RNF220: variants seen among roughly 807,000 people sequenced by gnomAD.
RNF220 encodes E3 ubiquitin-protein ligase RNF220.
Under a neutral mutation model 67.1 loss-of-function variants are expected in RNF220, and 7 were observed. That is an observed-to-expected ratio of 0.10 (90% confidence interval 0.06 to 0.20). The LOEUF is 0.20. RNF220 is among the 10% of genes least tolerant of loss of function. RNF220 has a pLI of 1.00. For missense variants in RNF220, 565 were observed against 740.3 expected (o/e 0.76, Z 2.75); for synonymous variants, 270 against 283.2 (o/e 0.95, Z 0.47).
chr1:44,452,240 A>T (rs780237952), intron 2 of RNF220, among the ~76,000 whole-genome samples: 1 of 152,154 alleles, frequency 6.6e-6, no homozygotes. Flanking sequence ...TTATTGTAGC[A>T]TTATAGAATT....
At chr1:44,615,414 A>G (rs1292898962) in intron 3 of RNF220, among the ~76,000 whole-genome samples, 1 of 152,120 alleles carries the variant, frequency 6.6e-6, no homozygotes, top group African/African-American at 2.4e-5. Flanking sequence ...GTGGGATGGA[A>G]GATATGGTTG....
intron 2 of RNF220, among the ~76,000 whole-genome samples, chr1:44,539,764 C>A (rs149131884): frequency 6.6e-6 from 1 of 152,340 alleles, no homozygotes; most frequent in East Asian, 1.9e-4. Flanking sequence ...CAACACTGTT[C>A]CAGAATTTTC....
chr1:44,405,374 CCTACTGCTG>C lies in RNF220; in HGVS notation c.-271_-263del. 1 of 578,808 alleles carries C rather than the reference CCTACTGCTG, an allele frequency of 1.7e-6. No individual in the cohort carries two copies. The highest frequency in any genetic ancestry group is 3.1e-6 in the Non-Finnish European group (1 of 319,180). The allele number at this position is 578,808 out of a possible 1,614,324, so 35.9% of individuals were successfully genotyped here. On this transcript the variant is annotated 5_prime_UTR_variant, in exon 1 of 15. Coordinates refer to ENST00000361799, the MANE Select transcript of RNF220 (RefSeq NM_018150.4). The stretch of plus-strand genomic sequence containing the variant: ...GCGAACACAAACCCGGGGCCAGCCG[CCTACTGCTG>C]CTGCTGCTGCTGCCGCTGCCGCCGC...
Position 44,650,833 on chromosome 1 carries a change from G to A in RNF220, c.*58G>A. 1 of 1,492,372 alleles carries A rather than the reference G, an allele frequency of 6.7e-7. No homozygotes were observed. 92.4% of individuals were successfully genotyped at this position (1,492,372 alleles called of 1,614,324 possible). ...AGCCCCACCTGCCCCCAGCCTCTGT[G>A]ACAGTGACCGTCTCCCTTTGTACAT... On this transcript the variant is annotated 3_prime_UTR_variant, in exon 15 of 15. Coordinates refer to ENST00000361799, the MANE Select transcript of RNF220 (RefSeq NM_018150.4). This position sits in a 1 kb window ranked among gnomAD's most constrained non-coding sequence, Gnocchi z 4.3.
intron 2 of RNF220, among the ~76,000 whole-genome samples, chr1:44,573,225 G>A (rs1198456248): frequency 6.6e-6 from 1 of 152,162 alleles, no homozygotes; most frequent in Non-Finnish European, 1.5e-5. Context: ...CCCTTCACTA[G>A]AACACTATGT....
At chr1:44,430,810 G>T (rs1572476538) in intron 2 of RNF220, among the ~76,000 whole-genome samples, 1 of 152,362 alleles carries the variant, frequency 6.6e-6, no homozygotes, top group East Asian at 1.9e-4. Context: ...CTCCCAAAGT[G>T]CTGGGATTAC....
rs947115362 is a variant in RNF220, at chr1:44,624,755, C to T, written c.805-1542C>T. Among the ~76,000 whole-genome samples the T allele has an allele frequency of 6.6e-6, 1 of 151,564 alleles. No individual in the cohort carries two copies. The highest frequency in any genetic ancestry group is 1.5e-5 in the Non-Finnish European group (1 of 67,696). On this transcript the variant is annotated intron_variant, in intron 4 of 14. Transcript: ENST00000361799. The surrounding 1 kb of genome is among the most constrained non-coding windows in gnomAD (Gnocchi z 4.2). Reference sequence around the variant, plus strand: ...TCGTTGCCATTAAGAAAAAAATTAGCCGGTGGCGGCTATCATATTAAAGGG... The same window carrying T: ...TCGTTGCCATTAAGAAAAAAATTAGTCGGTGGCGGCTATCATATTAAAGGG...
At chr1:44,444,412 G>T (rs1486374764) in intron 2 of RNF220, among the ~76,000 whole-genome samples, 1 of 151,446 alleles carries the variant, frequency 6.6e-6, no homozygotes, top group Non-Finnish European at 1.5e-5. Context: ...CATTTTTATT[G>T]CTGTGTAATG....
rs150809666 is a variant in RNF220, at chr1:44,524,858, C to T, written c.626-89307C>T. ...TATAGCTTGTCAGAGGTATTTAAGA[C>T]GCTAAGAGCCCAAGGCTTATCGGGG... is the stretch of plus-strand genomic sequence containing the variant. On this transcript the variant is annotated intron_variant, in intron 2 of 14. Transcript: ENST00000361799. Among the ~76,000 whole-genome samples the T allele has an allele frequency of 5.4e-3, 825 of 152,228 alleles. 4 individuals carry two copies. The highest frequency in any genetic ancestry group is 8.8e-3 in the Non-Finnish European group (600 of 68,030).
chr1:44,515,693 G>GA (rs924910962), intron 2 of RNF220, among the ~76,000 whole-genome samples: 5 of 152,128 alleles, frequency 3.3e-5, no homozygotes, highest in African/African-American at 1.2e-4. Flanking sequence ...TTCCATCCAT[G>GA]AAAATCACAC....
chr1:44,411,404 G>A (rs1215875082), intron 1 of RNF220, among the ~76,000 whole-genome samples: 3 of 151,460 alleles, frequency 2.0e-5, no homozygotes, highest in South Asian at 2.1e-4. Context: ...GTGTGTGTGT[G>A]TATATGCCAA....
At chr1:44,550,398 T>G (rs564174986) in intron 2 of RNF220, among the ~76,000 whole-genome samples, 22 of 152,290 alleles carry the variant, frequency 1.4e-4, no homozygotes, top group Admixed American at 1.3e-3. Flanking sequence ...GGAAGGCTGT[T>G]GAGTACCATG....
chr1:44,504,011 A>C (rs1658182825), intron 2 of RNF220, among the ~76,000 whole-genome samples: 1 of 152,028 alleles, frequency 6.6e-6, no homozygotes, highest in Non-Finnish European at 1.5e-5. Context: ...CACCATGCCC[A>C]GCTAATTGTT....
At chr1:44,608,496 T>C (rs551495419) in intron 2 of RNF220, among the ~76,000 whole-genome samples, 1 of 152,336 alleles carries the variant, frequency 6.6e-6, no homozygotes, top group South Asian at 2.1e-4. Context: ...CTCTGAACTT[T>C]GTAGCTGTCA....
At chr1:44,635,321 A>G (rs1354971587) in intron 6 of RNF220, 1 of 550,734 alleles carries the variant, frequency 1.8e-6, no homozygotes, top group East Asian at 2.9e-5. Context: ...CAAAGAGTGG[A>G]CTTACTCACT....
At chr1:44,410,933 T>C (rs1045975440) in intron 1 of RNF220, among the ~76,000 whole-genome samples, 2 of 152,184 alleles carry the variant, frequency 1.3e-5, no homozygotes, top group African/African-American at 4.8e-5. Flanking sequence ...ACTATGAAAA[T>C]GTACAACCTA....
chr1:44,450,943 G>A (rs1174892944), intron 2 of RNF220, among the ~76,000 whole-genome samples: 1 of 152,184 alleles, frequency 6.6e-6, no homozygotes, highest in Non-Finnish European at 1.5e-5. Flanking sequence ...CAGCACTTTG[G>A]TAGGCCGAGG....
intron 2 of RNF220, among the ~76,000 whole-genome samples, chr1:44,457,994 C>T (rs1034381865): frequency 1.7e-4 from 26 of 152,194 alleles, no homozygotes; most frequent in African/African-American, 5.5e-4. Context: ...TGATGGCTCA[C>T]GCCTGTAATC....
chr1:44,444,289 C>T (rs571594225), intron 2 of RNF220, among the ~76,000 whole-genome samples: 2 of 152,150 alleles, frequency 1.3e-5, no homozygotes, highest in Non-Finnish European at 1.5e-5. Flanking sequence ...TATTTTGGGA[C>T]GTTCAAATGA....
Sources: gnomAD v4.1 joint callset for allele counts (sites outside exome capture counted in the v4.1 genomes callset) on GRCh38, gnomAD v4.1.1 for gene constraint, Gnocchi (gnomAD v3.1) non-coding constraint, MANE v1.5 for transcripts, NCBI Gene and HGNC (gene_info 2026-07-23, HGNC 2026-07-21) for gene names.